Variants in GALNT18 observed in about 807,000 individuals in gnomAD.
GALNT18 encodes GalNAc-transferase 18.
In GALNT18, 44 loss-of-function variants were observed where a neutral mutation model predicts 69.5. The ratio of observed to expected loss-of-function variants is 0.63; its 90% CI spans 0.50 to 0.81. The LOEUF is 0.81. Among genes scored for constraint, GALNT18 ranks in the 40% least tolerant of loss-of-function variants. The probability of loss-of-function intolerance (pLI) is 0.00; values close to 1 mark genes in which losing one functional copy is unlikely to be tolerated. For synonymous variants in GALNT18, 364 were observed against 318.2 expected (o/e 1.14, Z -1.53); for missense variants, 715 against 810.0 (o/e 0.88, Z 1.42).
At chr11:11,350,256 A>T (rs1281682122) in intron 6 of GALNT18, among the ~76,000 whole-genome samples, 5 of 152,246 alleles carry the variant, frequency 3.3e-5, no homozygotes, top group Non-Finnish European at 1.5e-5. Flanking sequence ...GGCCCATCCC[A>T]TACAGGGGGC....
At chr11:11,593,178 G>A (rs796850635) in intron 1 of GALNT18, among the ~76,000 whole-genome samples, 7 of 152,154 alleles carry the variant, frequency 4.6e-5, no homozygotes, top group South Asian at 4.1e-4. Flanking sequence ...CTCCCGCTTC[G>A]TTTTAAGTCT....
intron 1 of GALNT18, among the ~76,000 whole-genome samples, chr11:11,462,950 G>A (rs1856077918): frequency 6.6e-6 from 1 of 152,122 alleles, no homozygotes; most frequent in Non-Finnish European, 1.5e-5. Flanking sequence ...TGAGCCCTGG[G>A]CACACCAGCA....
chr11:11,512,049 A>T (rs2133914896), intron 1 of GALNT18, among the ~76,000 whole-genome samples: 1 of 152,358 alleles, frequency 6.6e-6, no homozygotes, highest in South Asian at 2.1e-4. Context: ...ATATACATAC[A>T]CAGAGTTACT....
intron 1 of GALNT18, among the ~76,000 whole-genome samples, chr11:11,451,006 G>A (rs1024706648): frequency 1.3e-5 from 2 of 152,084 alleles, no homozygotes; most frequent in Admixed American, 1.3e-4. Context: ...ATACCATCTC[G>A]GTGACTGATT....
At chr11:11,409,992 C>A (rs1417779559) in intron 3 of GALNT18, among the ~76,000 whole-genome samples, 2 of 152,222 alleles carry the variant, frequency 1.3e-5, no homozygotes, top group Non-Finnish European at 2.9e-5. Flanking sequence ...TTACGCCCTG[C>A]AGCACTATCA....
intron 1 of GALNT18, among the ~76,000 whole-genome samples, chr11:11,536,886 A>G (rs1353073507): frequency 2.0e-5 from 3 of 152,248 alleles, no homozygotes; most frequent in Non-Finnish European, 4.4e-5. Context: ...GCAAAAAAGA[A>G]CAGGGCTTGG....
intron 1 of GALNT18, among the ~76,000 whole-genome samples, chr11:11,570,440 G>A (rs753971575): frequency 3.0e-4 from 45 of 152,200 alleles, no homozygotes; most frequent in Admixed American, 2.0e-4. Flanking sequence ...AGCCTCATCC[G>A]GCCGTCCGGC....
chr11:11,524,376 G>A (rs1180864512), intron 1 of GALNT18, among the ~76,000 whole-genome samples: 3 of 152,132 alleles, frequency 2.0e-5, no homozygotes, highest in African/African-American at 7.2e-5. Context: ...ATTACACATA[G>A]TTATTTATTA....
intron 10 of GALNT18, among the ~76,000 whole-genome samples, chr11:11,285,495 C>G (rs1013280536): frequency 6.6e-6 from 1 of 152,150 alleles, no homozygotes; most frequent in Non-Finnish European, 1.5e-5. Flanking sequence ...CACCTAGTCC[C>G]GGTCCCTGAT....
At chr11:11,278,982 T>C (rs186033524) in intron 10 of GALNT18, among the ~76,000 whole-genome samples, 1 of 152,318 alleles carries the variant, frequency 6.6e-6, no homozygotes, top group African/African-American at 2.4e-5. Context: ...ATTCAACTAT[T>C]ATGTACCCAT....
intron 3 of GALNT18, among the ~76,000 whole-genome samples, chr11:11,399,406 T>C (rs1186522109): frequency 3.9e-5 from 6 of 152,178 alleles, no homozygotes; most frequent in Non-Finnish European, 8.8e-5. Context: ...AGGATCAAGA[T>C]TGAAAAGGGG....
At chr11:11,399,966 T>C (rs928078504) in intron 3 of GALNT18, among the ~76,000 whole-genome samples, 5 of 152,252 alleles carry the variant, frequency 3.3e-5, no homozygotes, top group African/African-American at 4.8e-5. Context: ...AACATTTTTA[T>C]CTTCAAAAAT....
chr11:11,432,139 T>C lies in GALNT18; in HGVS notation c.595+482A>G, dbSNP rs1036139670. Reference sequence around the variant, plus strand: ...ACATTCAACAAGTCTGTTGCTGTCATTGAGTTACGTGTCCACTGCCATCCC... The same window carrying C: ...ACATTCAACAAGTCTGTTGCTGTCACTGAGTTACGTGTCCACTGCCATCCC... On this transcript the variant is annotated intron_variant, in intron 3 of 10. Transcript: ENST00000227756. This position sits in a 1 kb window ranked among gnomAD's most constrained non-coding sequence, Gnocchi z 5.8. Among the ~76,000 whole-genome samples the C allele has an allele frequency of 2.0e-5, 3 of 152,174 alleles. No homozygotes were observed. The highest frequency in any genetic ancestry group is 7.2e-5 in the African/African-American group (3 of 41,434).
intron 10 of GALNT18, 75 bp from the exon 11 acceptor site, chr11:11,271,365 T>A (rs1244563913): frequency 2.0e-6 from 3 of 1,501,590 alleles, no homozygotes; most frequent in Non-Finnish European, 2.8e-6. Context: ...TCAGGCCAAG[T>A]GGCTGGTGAG....
At position 11,377,456 on chromosome 11, in the gene GALNT18, C is replaced by T; in HGVS notation, c.780-77G>A. On this transcript the variant is annotated intron_variant, in intron 4 of 10. Transcript: ENST00000227756. The surrounding 1 kb of genome is among the most constrained non-coding windows in gnomAD (Gnocchi z 4.6). Reference sequence around the variant, plus strand: ...ATCCAGAGTAGCATCTCCTGAAGGTCCTTCCCCAGCAGAAAGAGGAAGGAA... The same window carrying T: ...ATCCAGAGTAGCATCTCCTGAAGGTTCTTCCCCAGCAGAAAGAGGAAGGAA... 2 of 1,307,112 alleles carry T rather than the reference C, an allele frequency of 1.5e-6. No individual in the cohort carries two copies. Among genetic ancestry groups the T allele is most frequent in the African/African-American group, 1.5e-5 (1 of 68,926 alleles). 81.0% of individuals were successfully genotyped at this position (1,307,112 alleles called of 1,614,324 possible). A position where few individuals can be genotyped will look rare whatever the true frequency, so the allele number is the denominator to read the frequency against.
At chr11:11,317,760 T>A (rs1449385680) in intron 9 of GALNT18, among the ~76,000 whole-genome samples, 1 of 152,234 alleles carries the variant, frequency 6.6e-6, no homozygotes, top group African/African-American at 2.4e-5. Context: ...TTTTGTTTTT[T>A]ATTGCCAGAC....
chr11:11,442,472 CCAAAGTT>C (rs1410174218), intron 2 of GALNT18, among the ~76,000 whole-genome samples: 1 of 152,122 alleles, frequency 6.6e-6, no homozygotes, highest in Non-Finnish European at 1.5e-5. Flanking sequence ...ACCAGGACCC[CCAAAGTT>C]CAAAGATGCC....
chr11:11,330,607 G>C (rs553598945), intron 8 of GALNT18, among the ~76,000 whole-genome samples: 14 of 152,330 alleles, frequency 9.2e-5, no homozygotes, highest in Admixed American at 2.0e-4. Flanking sequence ...AGCCCTTTGG[G>C]ATGGCAAGTG....
chr11:11,333,025 C>T (rs549964586), intron 7 of GALNT18, among the ~76,000 whole-genome samples, 194 bp from the exon 8 acceptor site: 7 of 150,456 alleles, frequency 4.7e-5, no homozygotes, highest in Admixed American at 6.6e-5. Flanking sequence ...CTACGAAACA[C>T]GAGGTCAGCA....
Sources: allele counts gnomAD v4.1 joint callset (sites outside exome capture counted in the v4.1 genomes callset), GRCh38; gene constraint gnomAD v4.1.1; non-coding constraint Gnocchi (gnomAD v3.1); transcripts MANE v1.5; gene names NCBI Gene and HGNC (gene_info 2026-07-23, HGNC 2026-07-21).